The following ZDHHC7 variants were observed in gnomAD, a reference collection of about 807,000 sequenced individuals.
ZDHHC7 encodes the protein palmitoyltransferase ZDHHC7.
In ZDHHC7, 12 loss-of-function variants were observed where a neutral mutation model predicts 34.1. That is an observed-to-expected ratio of 0.35 (90% CI 0.23 to 0.57). The LOEUF (loss-of-function observed/expected upper bound fraction) is 0.57. Ranked by LOEUF, ZDHHC7 falls within the 20% of genes least tolerant of loss-of-function variation. The pLI, the probability that ZDHHC7 is intolerant of heterozygous loss-of-function variation, is 0.84. For missense variants in ZDHHC7, 388 were observed against 402.7 expected (o/e 0.96, Z 0.31); for synonymous variants, 185 against 155.4 (o/e 1.19, Z -1.42).
rs138250474 is a variant in ZDHHC7 at position 84,990,526 on chromosome 16, G to A, written c.93C>T (p.Ser31=). ...AGACCCGGTCAGCCACGTCAGCCTC[G>A]GAGGAGGAGGACGATGAAGAGTCAT... ...DNYDSSSSSS[S]EADVADRVWF... Residue 31 remains serine, a synonymous_variant, in exon 3 of 8, where the codon TCC becomes TCT. Transcript: ENST00000313732. 1.7e-4 allele frequency: 276 copies of A among 1,613,986 alleles called. 1 individual carries two copies. The highest frequency in any genetic ancestry group is 4.1e-4 in the South Asian group (37 of 91,084).
At chr16:85,027,161 C>T in the ZDHHC7 span, among the ~76,000 whole-genome samples, 11 of 152,286 alleles carry the variant, frequency 7.2e-5, no homozygotes, top group African/African-American at 2.6e-4. Flanking sequence ...CAAAGATGCC[C>T]CGTTTTAAAA....
chr16:84,988,821 T>C, intron 3 of ZDHHC7: 1 of 1,551,772 alleles, frequency 6.4e-7, no homozygotes, highest in Non-Finnish European at 8.7e-7. Context: ...AAGGGTTGGG[T>C]CCAGCCCAGT....
chr16:84,980,998 A>G (rs967621703), intron 4 of ZDHHC7, among the ~76,000 whole-genome samples: 2 of 152,180 alleles, frequency 1.3e-5, no homozygotes, highest in Non-Finnish European at 2.9e-5. Context: ...GAGGCCATCA[A>G]TGGCTTCCAG....
At chr16:85,005,021 C>A (rs919624117) in intron 1 of ZDHHC7, 5 of 152,218 alleles carry the variant, frequency 3.3e-5, no homozygotes, top group African/African-American at 1.2e-4. Flanking sequence ...ACTCGTACCC[C>A]AAAGGTTCCC....
At chr16:84,988,227 CA>C (rs2072462404) in intron 3 of ZDHHC7, among the ~76,000 whole-genome samples, 1 of 151,898 alleles carries the variant, frequency 6.6e-6, no homozygotes. Flanking sequence ...GAGTGGTTGC[CA>C]GGGGCAGAGG....
chr16:84,992,162 A>G (rs527685213), intron 2 of ZDHHC7, among the ~76,000 whole-genome samples: 26 of 150,194 alleles, frequency 1.7e-4, no homozygotes, highest in South Asian at 1.1e-3. Flanking sequence ...TCTCAAAAAA[A>G]AAAAGAAAAG....
Position 85,001,505 on chromosome 16 carries a change from A to C in ZDHHC7, c.-103-5498T>G, listed in dbSNP as rs189153871. ...AAAAATTAAGTAAATGGATGGCAAG[A>C]GCCAGGCTTCTCACTGTTGGGGTGG... is the stretch of plus-strand genomic sequence containing the variant. On this transcript the variant is annotated intron_variant, in intron 1 of 7. Transcript: ENST00000313732. Among the ~76,000 whole-genome samples, 579 of 150,994 alleles carry C rather than the reference A, an allele frequency of 3.8e-3. 1 individual carries two copies. The highest frequency in any genetic ancestry group is 0.014 in the African/African-American group (557 of 41,056).
At chr16:85,001,998 C>A (rs898973376) in intron 1 of ZDHHC7, among the ~76,000 whole-genome samples, 11 of 152,090 alleles carry the variant, frequency 7.2e-5, no homozygotes. Flanking sequence ...ACAATACACA[C>A]ACACAATCAT....
chr16:85,020,092 C>A, the ZDHHC7 span, among the ~76,000 whole-genome samples: 1 of 152,236 alleles, frequency 6.6e-6, no homozygotes, highest in African/African-American at 2.4e-5. Context: ...CTGCGCCACA[C>A]CCCTCTGGAA....
intron 1 of ZDHHC7, among the ~76,000 whole-genome samples, chr16:85,003,008 C>CT (rs1412681647): frequency 6.6e-6 from 1 of 152,118 alleles, no homozygotes; most frequent in African/African-American, 2.4e-5. Flanking sequence ...ATGGCTGGTC[C>CT]TTTTATCCAA....
chr16:84,988,893 T>G (rs774698740), intron 3 of ZDHHC7: 3 of 1,550,314 alleles, frequency 1.9e-6, no homozygotes, highest in Admixed American at 2.0e-5. Flanking sequence ...AATATTCCAG[T>G]AAAAATCGCT....
At chr16:84,993,416 G>C (rs939587415) in intron 2 of ZDHHC7, among the ~76,000 whole-genome samples, 1 of 152,128 alleles carries the variant, frequency 6.6e-6, no homozygotes, top group South Asian at 2.1e-4. Flanking sequence ...AGGATCTCTT[G>C]AGCCCAGGAG....
upstream of ZDHHC7, among the ~76,000 whole-genome samples, chr16:85,014,894 G>A (rs985862127): frequency 2.0e-5 from 3 of 152,034 alleles, no homozygotes; most frequent in Non-Finnish European, 4.4e-5. Flanking sequence ...TGGAAAGGTG[G>A]GACAACTGAA....
intron 3 of ZDHHC7, among the ~76,000 whole-genome samples, chr16:84,982,409 T>C (rs2072382794): frequency 6.6e-6 from 1 of 151,956 alleles, no homozygotes; most frequent in Non-Finnish European, 1.5e-5. Context: ...TACCTTATTA[T>C]CCTTTTGATA....
At chr16:84,992,083 G>C (rs2072516938) in intron 2 of ZDHHC7, among the ~76,000 whole-genome samples, 1 of 151,770 alleles carries the variant, frequency 6.6e-6, no homozygotes, top group Non-Finnish European at 1.5e-5. Context: ...GGCTGAGGCA[G>C]GAGAATCACT....
chr16:85,006,592 G>A (rs2072719984), intron 1 of ZDHHC7, among the ~76,000 whole-genome samples: 1 of 151,308 alleles, frequency 6.6e-6, no homozygotes, highest in Non-Finnish European at 1.5e-5. Context: ...AAAAAAAAAG[G>A]AGCCAGTTTC....
rs188834117 is a variant in ZDHHC7, at chr16:85,011,105, C to A, written c.-104+181G>T. ...GCAACTAAGGAATGACAAGGGGGCACCTGGAAGGGAAGTCAGGTGCGGGCA... is the reference window on the plus strand; with the variant it reads ...GCAACTAAGGAATGACAAGGGGGCAACTGGAAGGGAAGTCAGGTGCGGGCA... On this transcript the variant is annotated intron_variant, in intron 1 of 7. Transcript: ENST00000313732. 4.6e-3 allele frequency among the ~76,000 whole-genome samples: 695 copies of A among 152,318 alleles called. 20 individuals carry two copies. Among genetic ancestry groups the A allele is most frequent in the Admixed American group, 0.034 (525 of 15,300 alleles).
the ZDHHC7 span, among the ~76,000 whole-genome samples, chr16:85,018,819 A>C: frequency 1.3e-5 from 2 of 152,070 alleles, no homozygotes; most frequent in African/African-American, 2.4e-5. Flanking sequence ...TGCAGTGGAA[A>C]ATCAGAGACT....
At chr16:84,987,888 C>T (rs1193026309) in intron 3 of ZDHHC7, among the ~76,000 whole-genome samples, 5 of 152,234 alleles carry the variant, frequency 3.3e-5, no homozygotes, top group African/African-American at 1.2e-4. Context: ...AACAGGCGGC[C>T]AGGCGCAGTG....
Sources: gnomAD v4.1 joint callset for allele counts (sites outside exome capture counted in the v4.1 genomes callset) on GRCh38, gnomAD v4.1.1 for gene constraint, MANE v1.5 for transcripts, NCBI Gene and HGNC (gene_info 2026-07-23, HGNC 2026-07-21) for gene names.